The following USP24 variants were observed in gnomAD, a reference collection of about 807,000 sequenced individuals.
USP24 encodes ubiquitin carboxyl-terminal hydrolase 24.
A neutral mutation model predicts 361.6 loss-of-function variants in USP24; 97 were observed. The ratio of observed to expected loss-of-function variants is 0.27; its 90% CI spans 0.23 to 0.32. The LOEUF (loss-of-function observed/expected upper bound fraction) is 0.32, where lower values mean the gene tolerates loss of function less well. Among genes scored for constraint, USP24 ranks in the 10% least tolerant of loss-of-function variants. The probability of loss-of-function intolerance (pLI) is 1.00; values close to 1 mark genes in which losing one functional copy is unlikely to be tolerated. For synonymous variants in USP24, 1,098 were observed against 1,124.6 expected (o/e 0.98, Z 0.47); for missense variants, 2,353 against 3,165.6 (o/e 0.74, Z 6.16).
rs1416675433 is a variant in USP24 at position 55,143,097 on chromosome 1, A to G, written c.2462T>C (p.Ile821Thr). 1.3e-6 allele frequency: 2 copies of G among 1,520,670 alleles called. No individual in the cohort carries two copies. The highest frequency in any genetic ancestry group is 2.5e-5 in the East Asian group (1 of 40,226). The allele number at this position is 1,520,670 out of a possible 1,614,324, so 94.2% of individuals were successfully genotyped here. Residue 821 changes from isoleucine (I) to threonine (T), a missense_variant, in exon 22 of 68, where the codon ATA becomes ACA. Coordinates refer to ENST00000294383, the MANE Select transcript of USP24 (RefSeq NM_015306.3). Reference sequence around the variant, plus strand: ...TATTTTCCAAATGAAATCCATTCCTATCAATTCCAGCTTTTCTACATACTG... The same window carrying G: ...TATTTTCCAAATGAAATCCATTCCTGTCAATTCCAGCTTTTCTACATACTG... ...AQLYVEKLELIGMDFIWKIAM... is the reference protein window; with the variant it reads ...AQLYVEKLELTGMDFIWKIAM...
intron 33 of USP24, 25 bp from the exon 34 acceptor site, chr1:55,125,573 T>A (rs181460425): frequency 1.9e-6 from 3 of 1,599,894 alleles, no homozygotes; most frequent in Non-Finnish European, 2.6e-6. Flanking sequence ...GCTAGACTTA[T>A]TCTGAGTCCA....
At chr1:55,175,060 T>C (rs985798461) in intron 3 of USP24, among the ~76,000 whole-genome samples, 2 of 151,978 alleles carry the variant, frequency 1.3e-5, no homozygotes, top group Admixed American at 1.3e-4. Flanking sequence ...CAAATGACAA[T>C]TTGAAAAGAT....
At position 55,148,470 on chromosome 1, in the gene USP24, T is replaced by C. The variant is rs1178359270; in HGVS notation, c.1961A>G (p.Gln654Arg). ...RSFIKQTYQKQDKSIIQDLKK... is the reference protein window; with the variant it reads ...RSFIKQTYQKRDKSIIQDLKK... ...AAATAGCTATACCCTTACCTTGTCT[T>C]GCTTTTGATAGGTTTGTTTTATGAA... Residue 654 changes from glutamine to arginine, a missense_variant, in exon 17 of 68, where the codon CAA becomes CGA. By Grantham distance (43) the Gln-to-Arg change is conservative (BLOSUM62 1). Around this residue, in one of 8 missense-constraint regions of USP24, gnomAD observed 386 missense variants for 560.5 expected, o/e 0.69. Coordinates refer to ENST00000294383, the MANE Select transcript of USP24 (RefSeq NM_015306.3). The C allele has an allele frequency of 6.4e-7, 1 of 1,574,396 alleles. No individual in the cohort carries two copies. Among genetic ancestry groups the C allele is most frequent in the Non-Finnish European group, 8.6e-7 (1 of 1,158,500 alleles).
rs6663743 is a variant in USP24 at position 55,134,830 on chromosome 1, T to C, written c.3202-417A>G. On this transcript the variant is annotated intron_variant, in intron 28 of 67. Coordinates refer to ENST00000294383, the MANE Select transcript of USP24 (RefSeq NM_015306.3). ...ATGTATCGACATTCACACACAACAA[T>C]AAATACATGTAATTTAAGTTGAGAC... Among the ~76,000 whole-genome samples, 1,007 of 152,318 alleles carry C rather than the reference T, an allele frequency of 6.6e-3. 14 individuals are homozygous for C. Among genetic ancestry groups the C allele is most frequent in the African/African-American group, 0.023 (955 of 41,570 alleles).
chr1:55,194,580 C>T (rs201166866), intron 1 of USP24, among the ~76,000 whole-genome samples: 5 of 151,364 alleles, frequency 3.3e-5, no homozygotes, highest in Non-Finnish European at 5.9e-5. Flanking sequence ...CCAGGCTGGG[C>T]GACAGAGGGA....
In USP24 at chr1:55,095,325, G is replaced by C; in HGVS notation, c.6133C>G (p.Gln2045Glu). The C allele has an allele frequency of 6.2e-7, 1 of 1,613,512 alleles. No homozygotes were observed. Among genetic ancestry groups the C allele is most frequent in the East Asian group, 2.2e-5 (1 of 44,864 alleles). Residue 2045 changes from glutamine to glutamate, a missense_variant, in exon 51 of 68, where the codon CAG becomes GAG. Transcript: ENST00000294383. ...TTCTTTGGTAATACTGGGGAGTTCT[G>C]ATCAGACACCCTTTGGTAGAAAAGC... Reference protein sequence around the residue: ...YMLFYQRVSDQNSPVLPKKSR... With the variant: ...YMLFYQRVSDENSPVLPKKSR...
intron 20 of USP24, among the ~76,000 whole-genome samples, chr1:55,145,365 C>T (rs369247885): frequency 1.3e-5 from 2 of 152,128 alleles, no homozygotes; most frequent in South Asian, 2.1e-4. Flanking sequence ...ACAACCTGGG[C>T]GAACCCTGAA....
intron 52 of USP24, 96 bp downstream of exon 52, chr1:55,093,841 G>A: frequency 6.6e-7 from 1 of 1,512,118 alleles, no homozygotes; most frequent in Non-Finnish European, 8.9e-7. Flanking sequence ...AGCCCCAGTG[G>A]TACAACTAAT....
rs1644845162 is a variant in USP24, at chr1:55,067,557, A to G, written c.*1488T>C. ...TGCCAGAGAATGAAAAGACTGGGCC[A>G]TGGCGAGAGCACAGTAATGAGATGC... is the stretch of plus-strand genomic sequence containing the variant. On this transcript the variant is annotated 3_prime_UTR_variant, in exon 68 of 68. Coordinates refer to ENST00000294383, the MANE Select transcript of USP24 (RefSeq NM_015306.3). 1 of 152,272 alleles carries G rather than the reference A, an allele frequency of 6.6e-6. No individual in the cohort carries two copies. The highest frequency in any genetic ancestry group is 1.5e-5 in the Non-Finnish European group (1 of 68,062). 9.4% of individuals were successfully genotyped at this position (152,272 alleles called of 1,614,324 possible). A position where few individuals can be genotyped will look rare whatever the true frequency, so the allele number is the denominator to read the frequency against.
rs539685728 is a variant in USP24, at chr1:55,178,137, C to T, written c.325-5G>A. ...GTTTCCATTCTCATCATTCTTCTGACGAAAAGGGATTAAGATAAAAAGCAA... is the reference window on the plus strand; with the variant it reads ...GTTTCCATTCTCATCATTCTTCTGATGAAAAGGGATTAAGATAAAAAGCAA... On this transcript the variant is annotated splice_region_variant and splice_polypyrimidine_tract_variant and intron_variant, in intron 1 of 67. Coordinates refer to ENST00000294383, the MANE Select transcript of USP24 (RefSeq NM_015306.3). The T allele has an allele frequency of 4.5e-4, 689 of 1,530,274 alleles. 10 individuals are homozygous for T. In the South Asian group the frequency reaches 7.6e-3, roughly 17 times the overall value. The allele number at this position is 1,530,274 out of a possible 1,614,324, so 94.8% of individuals were successfully genotyped here. A position where few individuals can be genotyped will look rare whatever the true frequency, so the allele number is the denominator to read the frequency against.
intron 63 of USP24, 74 bp from the exon 64 acceptor site, chr1:55,073,980 CTTG>C: frequency 8.0e-7 from 1 of 1,256,778 alleles, no homozygotes; most frequent in East Asian, 2.6e-5. Flanking sequence ...AACAAGCTCT[CTTG>C]TTCTAAAAAT....
At chr1:55,166,064 T>G (rs1042456822) in intron 6 of USP24, 114 bp from the exon 7 acceptor site, 10 of 811,722 alleles carry the variant, frequency 1.2e-5, no homozygotes, top group Non-Finnish European at 1.8e-5. Flanking sequence ...CGAGATGTTT[T>G]GATACAGGCA....
In USP24 at chr1:55,079,608, G is replaced by C. The variant is rs956979679; in HGVS notation, c.7130C>G (p.Pro2377Arg). ...TACCTCCTCATGGAGGGGCAACAGAGGGCTTGAGGGAGCAATGCTAATGGG... is the reference window on the plus strand; with the variant it reads ...TACCTCCTCATGGAGGGGCAACAGACGGCTTGAGGGAGCAATGCTAATGGG... ...RPPISIAPSS[P>R]LLPLHEEVEA... The change falls in exon 60 of 68, where the codon CCT becomes CGT. Residue 2377 changes from proline to arginine, a missense_variant. Around this residue, in one of 8 missense-constraint regions of USP24, gnomAD observed 598 missense variants for 761.9 expected, o/e 0.78. Transcript: ENST00000294383. The C allele has an allele frequency of 6.4e-7, 1 of 1,551,662 alleles. No homozygotes were observed. The highest frequency in any genetic ancestry group is 8.6e-7 in the Non-Finnish European group (1 of 1,158,776).
In USP24 at chr1:55,174,337, G is replaced by A. The variant is rs542880789; in HGVS notation, c.559-1817C>T. Among the ~76,000 whole-genome samples, 14 of 152,250 alleles carry A rather than the reference G, an allele frequency of 9.2e-5. No homozygotes were observed. The East Asian group carries it at 2.1e-3, about 23-fold the overall frequency. On this transcript the variant is annotated intron_variant, in intron 3 of 67. Coordinates refer to ENST00000294383, the MANE Select transcript of USP24 (RefSeq NM_015306.3). ...TCCTACTGAGTTTTCTGGCAGACAA[G>A]CCTAAAGGCACACAGAACTCTAGCT...
intron 1 of USP24, among the ~76,000 whole-genome samples, chr1:55,180,467 C>T (rs1643932749): frequency 6.6e-6 from 1 of 152,152 alleles, no homozygotes; most frequent in Non-Finnish European, 1.5e-5. Flanking sequence ...GAGGAGCCTT[C>T]ACATGAGTCC....
intron 2 of USP24, among the ~76,000 whole-genome samples, chr1:55,177,118 A>C (rs866825477): frequency 6.6e-6 from 1 of 152,012 alleles, no homozygotes; most frequent in African/African-American, 2.4e-5. Flanking sequence ...CAACAAAAAC[A>C]AAAACAAAAA....
chr1:55,166,712 T>G (rs1648904199), intron 5 of USP24, 109 bp from the exon 6 acceptor site: 1 of 1,129,306 alleles, frequency 8.9e-7, no homozygotes, highest in African/African-American at 1.6e-5. Context: ...TATAAAAGTT[T>G]GGAAACTATT....
At chr1:55,140,857 A>C (rs1349909570) in intron 24 of USP24, among the ~76,000 whole-genome samples, 2 of 152,160 alleles carry the variant, frequency 1.3e-5, no homozygotes, top group African/African-American at 4.8e-5. Flanking sequence ...ACTTCCATCT[A>C]ATGTTCCAAA....
intron 5 of USP24, among the ~76,000 whole-genome samples, chr1:55,168,289 G>A (rs529812687): frequency 6.6e-6 from 1 of 152,202 alleles, no homozygotes; most frequent in East Asian, 1.9e-4. Context: ...GGTGGACGAA[G>A]GCAGAATGGA....
Sources: allele counts gnomAD v4.1 joint callset (sites outside exome capture counted in the v4.1 genomes callset), GRCh38; gene constraint gnomAD v4.1.1; regional missense constraint gnomAD v4.1.1; transcripts MANE v1.5; gene names NCBI Gene and HGNC (gene_info 2026-07-23, HGNC 2026-07-21).